The following DCST2 variants were observed in gnomAD, a reference collection of about 807,000 sequenced individuals.
DCST2 encodes DC-STAMP domain containing 2, also known as DC-STAMP domain-containing protein 2.
Under a neutral mutation model 81.8 loss-of-function variants are expected in DCST2, and 64 were observed. That is an observed-to-expected ratio of 0.78 (90% confidence interval 0.64 to 0.96). The LOEUF is 0.96. DCST2 is among the 40% of genes least tolerant of loss of function. DCST2 has a pLI of 0.00. For missense variants in DCST2, 945 were observed against 1,001.4 expected, an observed-to-expected ratio of 0.94 and a Z score of 0.76; for synonymous variants, 354 against 402.6, an observed-to-expected ratio of 0.88 and a Z score of 1.44.
At chr1:155,027,198 ATTTTTTTTTT>A (rs900841532) in intron 8 of DCST2, among the ~76,000 whole-genome samples, 2 of 94,214 alleles carry the variant, frequency 2.1e-5, no homozygotes, top group African/African-American at 4.2e-5. Context: ...ACGACCGGCT[ATTTTTTTTTT>A]TTTTTTTTTT....
At chr1:155,029,147 A>C in intron 8 of DCST2, 86 bp downstream of exon 8, 1 of 1,498,444 alleles carries the variant, frequency 6.7e-7, no homozygotes, top group South Asian at 1.2e-5. Flanking sequence ...GAAGAGGAGA[A>C]GGCTTGGGAG....
At chr1:155,025,096 G>A (rs113261881) in intron 10 of DCST2, among the ~76,000 whole-genome samples, 5,746 of 147,784 alleles carry the variant, frequency 0.039, 145 homozygotes, top group Non-Finnish European at 0.06. Flanking sequence ...GTGGTGAGCC[G>A]AGATCGTGTC....
At position 155,030,473 on chromosome 1, in the gene DCST2, C is replaced by T. The variant is rs1660041570; in HGVS notation, c.978G>A (p.Met326Ile). ...CAAGCAGCAGAGGCGTGGTGAAGCC[C>T]ATCAGAGCCAGGGCCTCTCGGACAC... ...LHRVREALAL[M>I]GFTTPLLLVL... Residue 326 changes from methionine to isoleucine, a missense_variant, in exon 6 of 15, where the codon ATG (methionine) becomes ATA (isoleucine). Physicochemically the swap from Met to Ile is conservative, Grantham distance 10 (BLOSUM62 1). Coordinates refer to ENST00000368424, the MANE Select transcript of DCST2 (RefSeq NM_144622.3). 1 of 1,614,010 alleles carries T rather than the reference C, an allele frequency of 6.2e-7. No homozygotes were observed. The highest frequency in any genetic ancestry group is 1.1e-5 in the South Asian group (1 of 91,074).
intron 9 of DCST2, 38 bp from the exon 10 acceptor site, chr1:155,026,440 G>A (rs1292015475): frequency 2.7e-5 from 43 of 1,612,950 alleles, no homozygotes; most frequent in African/African-American, 4.0e-5. Context: ...TCACCAGCAG[G>A]CACAAGTGCC....
chr1:155,030,427 C>G lies in DCST2; in HGVS notation c.1019+5G>C. The G allele has an allele frequency of 6.2e-7, 1 of 1,613,054 alleles. No individual in the cohort carries two copies. Among genetic ancestry groups the G allele is most frequent in the Non-Finnish European group, 8.5e-7 (1 of 1,179,692 alleles). ...CATCCCCCACGCTGCCCGGCAGCCC[C>G]TCACTGGAGGTAGAGAAGCACAAGC... On this transcript the variant is annotated splice_donor_5th_base_variant and intron_variant, in intron 6 of 14. Transcript: ENST00000368424.
chr1:155,029,005 C>T (rs1255552440), intron 8 of DCST2, among the ~76,000 whole-genome samples: 1 of 152,128 alleles, frequency 6.6e-6, no homozygotes, highest in Admixed American at 6.6e-5. Context: ...TTTAACTACT[C>T]TGTAAGTTAT....
At chr1:155,026,489 C>T in intron 9 of DCST2, 59 bp downstream of exon 9, 3 of 1,612,622 alleles carry the variant, frequency 1.9e-6, no homozygotes, top group Non-Finnish European at 2.5e-6. Context: ...CAGCAGTCTG[C>T]ACCCCTCATT....
rs375920803 is a variant in DCST2, at chr1:155,033,262, G to A, written c.271C>T (p.Gln91Ter). Residue 91 changes from glutamine to a stop codon, truncating the protein, a stop_gained and splice_region_variant, in exon 2 of 15, where the codon CAG (glutamine) becomes TAG (stop). Coordinates refer to ENST00000368424, the MANE Select transcript of DCST2 (RefSeq NM_144622.3). LOFTEE classifies it high-confidence loss of function. ...GCCACCAACAGTAGTGTCCGGCCCTGCCCTGGGGGCGACAGCTTTGTTAGA... is the reference window on the plus strand; with the variant it reads ...GCCACCAACAGTAGTGTCCGGCCCTACCCTGGGGGCGACAGCTTTGTTAGA... ...LLLLPQAFSR[Q>*]GRTLLLVAAF... is the part of the protein sequence containing the mutation. The A allele has an allele frequency of 8.1e-6, 13 of 1,607,780 alleles. No individual in the cohort carries two copies. Among genetic ancestry groups the A allele is most frequent in the Admixed American group, 3.4e-5 (2 of 58,372 alleles).
At chr1:155,032,221 C>T (rs185834322) in intron 3 of DCST2, among the ~76,000 whole-genome samples, 1 of 152,094 alleles carries the variant, frequency 6.6e-6, no homozygotes, top group Non-Finnish European at 1.5e-5. Flanking sequence ...TCTTGATCTC[C>T]TGACCTCCTG....
Position 155,030,417 on chromosome 1 carries a change from C to A in DCST2, c.1019+15G>T. 1 of 1,611,470 alleles carries A rather than the reference C, an allele frequency of 6.2e-7. No homozygotes were observed. Among genetic ancestry groups the A allele is most frequent in the Non-Finnish European group, 8.5e-7 (1 of 1,178,750 alleles). ...CCCGGCCCTGCATCCCCCACGCTGC[C>A]CGGCAGCCCCTCACTGGAGGTAGAG... On this transcript the variant is annotated intron_variant, in intron 6 of 14. Transcript: ENST00000368424.
At chr1:155,032,794 T>C (rs1282260271) in intron 2 of DCST2, 26 bp from the exon 3 acceptor site, 1 of 1,598,914 alleles carries the variant, frequency 6.3e-7, no homozygotes, top group East Asian at 2.2e-5. Context: ...CAGAGGCACT[T>C]TGGAGTCTTC....
rs1032373244 is a variant in DCST2, at chr1:155,031,790, T to C, written c.542-19A>G. The C allele has an allele frequency of 6.2e-7, 1 of 1,612,122 alleles. No homozygotes were observed. The highest frequency in any genetic ancestry group is 1.7e-5 in the Admixed American group (1 of 59,936). On this transcript the variant is annotated intron_variant, in intron 3 of 14. Transcript: ENST00000368424. The stretch of plus-strand genomic sequence containing the variant: ...GCCCTGGCTGGGGACAGCTGCAGGG[T>C]TGGCACCCAGGGCTGGAATCCTACA...
In DCST2 at chr1:155,023,822, G is replaced by T; in HGVS notation, c.1870+10C>A. The T allele has an allele frequency of 6.2e-7, 1 of 1,613,188 alleles. No homozygotes were observed. The highest frequency in any genetic ancestry group is 8.5e-7 in the Non-Finnish European group (1 of 1,179,712). Reference sequence around the variant, plus strand: ...GAGCAGGGAGAGGCACACGCCCCAGGGGGTCTCACCTTGGCAGCCGGGGGT... The same window carrying T: ...GAGCAGGGAGAGGCACACGCCCCAGTGGGTCTCACCTTGGCAGCCGGGGGT... On this transcript the variant is annotated intron_variant, in intron 12 of 14. Transcript: ENST00000368424.
intron 14 of DCST2, among the ~76,000 whole-genome samples, chr1:155,022,469 T>A (rs549817348): frequency 6.6e-6 from 1 of 151,976 alleles, no homozygotes; most frequent in Non-Finnish European, 1.5e-5. Flanking sequence ...ACACCTATAA[T>A]CCCATAATCC....
At chr1:155,031,475 A>C in intron 4 of DCST2, 99 bp downstream of exon 4, 4 of 1,407,272 alleles carry the variant, frequency 2.8e-6, no homozygotes, top group East Asian at 2.4e-5. Flanking sequence ...TTGCCCTCTA[A>C]TCGTCCTCCT....
At position 155,029,220 on chromosome 1, in the gene DCST2, C is replaced by G. The variant is rs779376162; in HGVS notation, c.1342+13G>C. On this transcript the variant is annotated intron_variant, in intron 8 of 14. Transcript: ENST00000368424. ...GTGGGTGAGTGGGAGGAGGCTGTCA[C>G]GTAGGCACTCACTGCGGGCCACAAT... 2.5e-6 allele frequency: 4 copies of G among 1,612,094 alleles called. No individual in the cohort carries two copies. In the Admixed American group the frequency reaches 5.0e-5, roughly 20 times the overall value.
intron 8 of DCST2, among the ~76,000 whole-genome samples, chr1:155,027,993 C>T (rs978512824): frequency 9.9e-5 from 15 of 151,690 alleles, no homozygotes; most frequent in Admixed American, 2.6e-4. Context: ...GGCAGGATCT[C>T]GGCTCACTGC....
rs151211024 is a variant in DCST2, at chr1:155,029,368, A to G, written c.1207T>C (p.Phe403Leu). 5.6e-6 allele frequency: 9 copies of G among 1,613,940 alleles called. No homozygotes were observed. The highest frequency in any genetic ancestry group is 3.3e-4 in the Middle Eastern group (2 of 6,082). The change falls in exon 8 of 15, where the codon TTT becomes CTT. Residue 403 changes from phenylalanine (F) to leucine (L), a missense_variant. Coordinates refer to ENST00000368424, the MANE Select transcript of DCST2 (RefSeq NM_144622.3). The stretch of plus-strand genomic sequence containing the variant: ...TTGAAGGTCTCCAGAATGTAAAAAA[A>G]CTTCTCCCATTGGGACAAGAAGATG... ...GSIFLSQWEKFFYILETFNLI... is the reference protein window; with the variant it reads ...GSIFLSQWEKLFYILETFNLI...
intron 1 of DCST2, 77 bp downstream of exon 1, chr1:155,033,357 C>T: frequency 6.3e-7 from 1 of 1,588,206 alleles, no homozygotes; most frequent in Non-Finnish European, 8.6e-7. Flanking sequence ...CCCTTAACCC[C>T]TGCCTCTCCT....
Sources: allele counts gnomAD v4.1 joint callset (sites outside exome capture counted in the v4.1 genomes callset), GRCh38; gene constraint gnomAD v4.1.1; transcripts MANE v1.5; gene names NCBI Gene and HGNC (gene_info 2026-07-23, HGNC 2026-07-21).